The following KANK1 variants were observed in gnomAD, a reference collection of about 807,000 sequenced individuals.
KANK1 encodes the protein KN motif and ankyrin repeat domain-containing protein 1.
In KANK1, 109 loss-of-function variants were observed where a neutral mutation model predicts 106.2. That is an observed-to-expected ratio of 1.03 (90% CI 0.88 to 1.20). The LOEUF (loss-of-function observed/expected upper bound fraction) is 1.20, where lower values mean the gene tolerates loss of function less well. Among genes scored for constraint, KANK1 ranks in the 50% most tolerant of loss-of-function variants. The probability of loss-of-function intolerance (pLI) is 0.00; values close to 1 mark genes in which losing one functional copy is unlikely to be tolerated. For missense variants in KANK1, 2,399 were observed against 1,710.7 expected (o/e 1.40, Z -7.10); for synonymous variants, 873 against 652.2 (o/e 1.34, Z -5.16).
intron 2 of KANK1, among the ~76,000 whole-genome samples, chr9:692,666 G>C (rs1820260864): frequency 6.6e-6 from 1 of 151,540 alleles, no homozygotes; most frequent in Admixed American, 6.6e-5. Flanking sequence ...ATTCTCTTGA[G>C]GTTTATGTTA....
At position 596,494 on chromosome 9, in the gene KANK1, G is replaced by T. The variant is rs147434974; in HGVS notation, c.-83-80396G>T. On this transcript the variant is annotated intron_variant, in intron 1 of 11. Transcript: ENST00000382297. ...TTTGTTTCTGGCAATGGATCATTTT[G>T]CTGTCACGGAGCCAGTGATTATTTA... 3.8e-4 allele frequency among the ~76,000 whole-genome samples: 57 copies of T among 151,846 alleles called. 1 individual carries two copies. The highest frequency in any genetic ancestry group is 1.3e-3 in the African/African-American group (55 of 41,136).
chr9:482,686 C>T (rs991993998), intron 3 of KANK1, among the ~76,000 whole-genome samples: 6 of 152,214 alleles, frequency 3.9e-5, no homozygotes, highest in East Asian at 1.9e-4. Flanking sequence ...TAAATGCACC[C>T]TCAATGGCAC....
intron 2 of KANK1, among the ~76,000 whole-genome samples, chr9:683,330 C>G (rs1453225577): frequency 6.6e-6 from 1 of 152,142 alleles, no homozygotes; most frequent in African/African-American, 2.4e-5. Context: ...ATTAGAATAG[C>G]TGAGAGGGTA....
intron 2 of KANK1, among the ~76,000 whole-genome samples, chr9:695,537 T>G (rs1047191606): frequency 4.6e-5 from 7 of 151,824 alleles, no homozygotes; most frequent in African/African-American, 1.2e-4. Context: ...GAAACCAATG[T>G]AGAACTCAAG....
chr9:561,794 A>G (rs1440175503), intron 1 of KANK1, among the ~76,000 whole-genome samples: 1 of 152,224 alleles, frequency 6.6e-6, no homozygotes, highest in Non-Finnish European at 1.5e-5. Flanking sequence ...TTCACATTTC[A>G]GTCTTACTAT....
At chr9:551,052 G>A (rs1422959996) in intron 1 of KANK1, among the ~76,000 whole-genome samples, 1 of 151,930 alleles carries the variant, frequency 6.6e-6, no homozygotes, top group Non-Finnish European at 1.5e-5. Flanking sequence ...AAGCCAAGAT[G>A]GAAAATGGAT....
chr9:598,279 T>C (rs528085355), intron 1 of KANK1, among the ~76,000 whole-genome samples: 16 of 151,922 alleles, frequency 1.1e-4, no homozygotes, highest in African/African-American at 3.4e-4. Context: ...GTAGTAAGTT[T>C]TGAAATTGAG....
rs148716014 is a variant in KANK1 at position 624,876 on chromosome 9, C to G, written c.-83-52014C>G. 3.2e-3 allele frequency among the ~76,000 whole-genome samples: 481 copies of G among 152,286 alleles called. 5 individuals are homozygous for G. In the Middle Eastern group the frequency reaches 0.034, roughly 11 times the overall value. On this transcript the variant is annotated intron_variant, in intron 1 of 11. Coordinates refer to ENST00000382297, the MANE Select transcript of KANK1 (RefSeq NM_015158.5). ...TGCCTTACCAAGCCACCAGTGAGAG[C>G]CCATCTCTGAGGAAAAGGGGTGTGC...
intron 1 of KANK1, among the ~76,000 whole-genome samples, chr9:595,211 CAAGACCA>C (rs1365171291): frequency 6.8e-4 from 104 of 151,922 alleles, no homozygotes; most frequent in Non-Finnish European, 1.1e-3. Context: ...CCCAGGAGTT[CAAGACCA>C]GTTGGGGCAA....
intron 3 of KANK1, among the ~76,000 whole-genome samples, chr9:720,864 C>T (rs1325119762): frequency 2.0e-5 from 3 of 152,156 alleles, no homozygotes; most frequent in Admixed American, 2.0e-4. Flanking sequence ...GAACATCTAC[C>T]ATTAGTGGCC....
chr9:520,710 G>T (rs1336155912), intron 1 of KANK1, among the ~76,000 whole-genome samples: 1 of 151,720 alleles, frequency 6.6e-6, no homozygotes, highest in Non-Finnish European at 1.5e-5. Flanking sequence ...TCAGAAATCT[G>T]CCTAGATATG....
chr9:687,199 A>G (rs1480681049), intron 2 of KANK1, among the ~76,000 whole-genome samples: 1 of 151,672 alleles, frequency 6.6e-6, no homozygotes, highest in Non-Finnish European at 1.5e-5. Flanking sequence ...CATCTTTGCC[A>G]TTTTCCTTCT....
intron 1 of KANK1, chr9:558,846 T>C (rs1475141797): frequency 6.6e-6 from 1 of 152,148 alleles, no homozygotes; most frequent in Non-Finnish European, 1.5e-5. Context: ...CAGTGGCACA[T>C]ATACTAAAAT....
chr9:620,801 C>A (rs570324360), intron 1 of KANK1, among the ~76,000 whole-genome samples: 4 of 152,052 alleles, frequency 2.6e-5, no homozygotes, highest in Admixed American at 6.5e-5. Flanking sequence ...AATATTGGAG[C>A]ATAATAGAAT....
At chr9:498,357 A>C (rs1384075805) in intron 3 of KANK1, among the ~76,000 whole-genome samples, 1 of 152,218 alleles carries the variant, frequency 6.6e-6, no homozygotes, top group Non-Finnish European at 1.5e-5. Flanking sequence ...GGTCATGTTC[A>C]GTATTAATAC....
At chr9:514,381 G>C (rs977934506) in intron 1 of KANK1, among the ~76,000 whole-genome samples, 3 of 148,932 alleles carry the variant, frequency 2.0e-5, no homozygotes, top group African/African-American at 7.7e-5. Context: ...AGATGGTTCA[G>C]CTCACTTTTC....
chr9:698,954 A>T (rs1311536747), intron 2 of KANK1, among the ~76,000 whole-genome samples: 12 of 152,172 alleles, frequency 7.9e-5, no homozygotes, highest in Admixed American at 3.9e-4. Flanking sequence ...CTTGATCCCC[A>T]GGGTCCTGTG....
chr9:716,151 C>T (rs1203132770), intron 3 of KANK1, among the ~76,000 whole-genome samples: 1 of 152,188 alleles, frequency 6.6e-6, no homozygotes, highest in East Asian at 1.9e-4. Flanking sequence ...ATGAACCTAA[C>T]ACAGTATTCT....
intron 3 of KANK1, among the ~76,000 whole-genome samples, chr9:479,706 G>A (rs941582232): frequency 6.6e-6 from 1 of 152,218 alleles, no homozygotes; most frequent in Admixed American, 6.5e-5. Flanking sequence ...TGAAGGAGAA[G>A]AGAAACATGC....
Sources: gnomAD v4.1 joint callset for allele counts (sites outside exome capture counted in the v4.1 genomes callset) on GRCh38, gnomAD v4.1.1 for gene constraint, MANE v1.5 for transcripts, NCBI Gene and HGNC (gene_info 2026-07-23, HGNC 2026-07-21) for gene names.